HPGDS: variants seen among roughly 807,000 people sequenced by gnomAD.
The protein encoded by HPGDS is hematopoietic prostaglandin D synthase, also known as GST class-sigma.
A neutral mutation model predicts 23.1 loss-of-function variants in HPGDS; 26 were observed. The observed-to-expected ratio is 1.13, with a 90% CI of 0.83 to 1.56. HPGDS has a LOEUF of 1.56. HPGDS is among the 40% of genes most tolerant of loss of function. The pLI is 0.00. For missense variants in HPGDS, 268 were observed against 236.4 expected (o/e 1.13, Z -0.88); for synonymous variants, 95 against 77.9 (o/e 1.22, Z -1.16).
chr4:94,321,048 G>T (rs1442720861), intron 2 of HPGDS, among the ~76,000 whole-genome samples: 1 of 152,120 alleles, frequency 6.6e-6, no homozygotes, highest in Non-Finnish European at 1.5e-5. Flanking sequence ...GTTTTTGTCA[G>T]GTTTGTCAAA....
At chr4:94,316,757 T>C (rs1415269187) in intron 3 of HPGDS, among the ~76,000 whole-genome samples, 2 of 152,350 alleles carry the variant, frequency 1.3e-5, no homozygotes, top group Admixed American at 6.5e-5. Flanking sequence ...GGGAAATTGT[T>C]GAGAATGCAA....
chr4:94,326,556 G>T (rs1446867633), intron 2 of HPGDS, among the ~76,000 whole-genome samples: 2 of 151,462 alleles, frequency 1.3e-5, no homozygotes, highest in Non-Finnish European at 2.9e-5. Context: ...GAATTGTTTG[G>T]ATTTTTTTTA....
intron 1 of HPGDS, among the ~76,000 whole-genome samples, chr4:94,340,301 CTTTCTTTCTCTTTTTTTTTT>C (rs1721118891): frequency 6.2e-5 from 2 of 32,196 alleles, no homozygotes; most frequent in African/African-American, 2.2e-4. Context: ...TTCTTTCTTT[CTTTCTTTCTCTTTTTTTTTT>C]TTTTTTTTTT....
chr4:94,330,146 C>T (rs1756709936), intron 2 of HPGDS, among the ~76,000 whole-genome samples: 1 of 152,290 alleles, frequency 6.6e-6, no homozygotes, highest in East Asian at 1.9e-4. Context: ...TAAATGAGCA[C>T]TCAAGGAAGA....
intron 1 of HPGDS, among the ~76,000 whole-genome samples, chr4:94,339,895 G>T (rs1262451186): frequency 6.6e-6 from 1 of 152,000 alleles, no homozygotes; most frequent in Non-Finnish European, 1.5e-5. Context: ...ATTTTATAAG[G>T]GATTTCCCCT....
chr4:94,301,568 T>G (rs1171907147), intron 5 of HPGDS, among the ~76,000 whole-genome samples: 1 of 152,184 alleles, frequency 6.6e-6, no homozygotes, highest in Admixed American at 6.6e-5. Context: ...GGAATGGATA[T>G]TTACTTGACC....
At chr4:94,313,276 T>C (rs1579433219) in intron 3 of HPGDS, among the ~76,000 whole-genome samples, 1 of 152,356 alleles carries the variant, frequency 6.6e-6, no homozygotes. Context: ...GGGCTGGTAC[T>C]GGTTGTTCCA....
At chr4:94,301,916 G>A (rs1756048040) in intron 5 of HPGDS, among the ~76,000 whole-genome samples, 1 of 151,862 alleles carries the variant, frequency 6.6e-6, no homozygotes, top group South Asian at 2.1e-4. Flanking sequence ...ACTTTGCTTT[G>A]ATTTTTAGGA....
At chr4:94,327,698 G>A (rs1237737521) in intron 2 of HPGDS, among the ~76,000 whole-genome samples, 2 of 152,146 alleles carry the variant, frequency 1.3e-5, no homozygotes, top group African/African-American at 2.4e-5. Context: ...AGCTTCCTGT[G>A]TTACAGCAGC....
chr4:94,325,154 T>G (rs1756603606), intron 2 of HPGDS, among the ~76,000 whole-genome samples: 1 of 152,164 alleles, frequency 6.6e-6, no homozygotes, highest in Non-Finnish European at 1.5e-5. Context: ...TCTGGAAGCT[T>G]CATCTCAGAG....
At chr4:94,330,164 A>G (rs1249616708) in intron 2 of HPGDS, among the ~76,000 whole-genome samples, 1 of 152,220 alleles carries the variant, frequency 6.6e-6, no homozygotes, top group Non-Finnish European at 1.5e-5. Context: ...AGAAAACTTA[A>G]TTGTCCTTTG....
chr4:94,308,445 T>C lies in HPGDS; in HGVS notation c.336+189A>G, dbSNP rs1024200617. Among the ~76,000 whole-genome samples, 5 of 152,160 alleles carry C rather than the reference T, an allele frequency of 3.3e-5. No individual in the cohort carries two copies. The East Asian group carries it at 5.8e-4, about 18-fold the overall frequency. The stretch of plus-strand genomic sequence containing the variant: ...AACAAAGTTTTAAAAGGGTTGCATC[T>C]GGGGAGGAGTTAATGTGAAGGGGTA... On this transcript the variant is annotated intron_variant, in intron 4 of 5. Coordinates refer to ENST00000295256, the MANE Select transcript of HPGDS (RefSeq NM_014485.3).
At chr4:94,306,679 G>A (rs1349337183) in intron 4 of HPGDS, among the ~76,000 whole-genome samples, 3 of 151,936 alleles carry the variant, frequency 2.0e-5, no homozygotes, top group African/African-American at 2.4e-5. Context: ...CATTCTTAGC[G>A]GAAAACAGCC....
intron 3 of HPGDS, among the ~76,000 whole-genome samples, chr4:94,313,162 G>A (rs1415314683): frequency 6.6e-6 from 1 of 152,146 alleles, no homozygotes; most frequent in African/African-American, 2.4e-5. Context: ...TGTTATGTGT[G>A]AATTTGATCC....
At chr4:94,324,144 G>T (rs1756579111) in intron 2 of HPGDS, among the ~76,000 whole-genome samples, 2 of 152,158 alleles carry the variant, frequency 1.3e-5, no homozygotes, top group African/African-American at 4.8e-5. Context: ...TAGTCTGATG[G>T]GCTTCCCTTT....
intron 3 of HPGDS, among the ~76,000 whole-genome samples, chr4:94,310,726 C>T (rs901255369): frequency 1.3e-5 from 2 of 152,144 alleles, no homozygotes; most frequent in Non-Finnish European, 2.9e-5. Context: ...TTACCTTGGG[C>T]AGTATGGCCA....
intron 3 of HPGDS, among the ~76,000 whole-genome samples, chr4:94,314,485 A>G (rs2126038976): frequency 6.6e-6 from 1 of 152,200 alleles, no homozygotes; most frequent in East Asian, 1.9e-4. Flanking sequence ...TTGCTGCCTG[A>G]TCGTTGCTCT....
chr4:94,316,708 GA>G (rs2126039813), intron 3 of HPGDS, among the ~76,000 whole-genome samples: 1 of 152,330 alleles, frequency 6.6e-6, no homozygotes, highest in East Asian at 1.9e-4. Context: ...CTAGCCCAGA[GA>G]TTCTCAAAGT....
intron 1 of HPGDS, among the ~76,000 whole-genome samples, chr4:94,339,330 T>G (rs1210311598): frequency 6.6e-6 from 1 of 152,226 alleles, no homozygotes; most frequent in Non-Finnish European, 1.5e-5. Flanking sequence ...AGCCTGAAGT[T>G]TAAAAGCTGA....
Sources: allele counts gnomAD v4.1 joint callset (sites outside exome capture counted in the v4.1 genomes callset), GRCh38; gene constraint gnomAD v4.1.1; transcripts MANE v1.5; gene names NCBI Gene and HGNC (gene_info 2026-07-23, HGNC 2026-07-21).